UBE2G1: variants seen among roughly 807,000 people sequenced by gnomAD.
UBE2G1 encodes ubiquitin conjugating enzyme E2 G1, also known as ubiquitin-conjugating enzyme E2 G1.
A neutral mutation model predicts 22.7 loss-of-function variants in UBE2G1; 5 were observed. The ratio of observed to expected loss-of-function variants is 0.22; its 90% CI spans 0.12 to 0.46. The LOEUF is 0.46. UBE2G1 is among the 20% of genes least tolerant of loss of function. The pLI is 0.99. For synonymous variants in UBE2G1, 74 were observed against 67.5 expected (o/e 1.10, Z -0.47); for missense variants, 88 against 203.9 (o/e 0.43, Z 3.46).
chr17:4,295,116 T>C lies in UBE2G1; in HGVS notation c.247+1601A>G, dbSNP rs528562758. On this transcript the variant is annotated intron_variant, in intron 3 of 5. Transcript: ENST00000396981. ...TTCAGAATCTGTTACATCTTCGAAA[T>C]AGGTGCAAAACGATTGCCTATTATA... Among the ~76,000 whole-genome samples the C allele has an allele frequency of 9.2e-5, 14 of 152,184 alleles. No homozygotes were observed. In the South Asian group the frequency reaches 2.7e-3, roughly 29 times the overall value.
intron 1 of UBE2G1, among the ~76,000 whole-genome samples, chr17:4,311,062 A>G (rs921584842): frequency 6.6e-6 from 1 of 151,806 alleles, no homozygotes; most frequent in Non-Finnish European, 1.5e-5. Context: ...AAAAAGAAAC[A>G]AAAGAGTACA....
intron 4 of UBE2G1, among the ~76,000 whole-genome samples, chr17:4,285,968 G>A (rs1031717995): frequency 2.6e-5 from 4 of 151,162 alleles, no homozygotes; most frequent in African/African-American, 9.7e-5. Flanking sequence ...AAAAAAAATT[G>A]GAGCCAAAGA....
chr17:4,333,410 GCT>G (rs1054014367), intron 1 of UBE2G1, among the ~76,000 whole-genome samples: 2 of 152,136 alleles, frequency 1.3e-5, no homozygotes, highest in Non-Finnish European at 2.9e-5. Flanking sequence ...GGGCACGGTG[GCT>G]CTGTCTGTGA....
intron 1 of UBE2G1, among the ~76,000 whole-genome samples, chr17:4,357,635 C>T (rs1180954676): frequency 6.6e-6 from 1 of 151,874 alleles, no homozygotes. Flanking sequence ...ACCACATATC[C>T]CTCATGTCCC....
At chr17:4,339,275 C>T (rs1407676880) in intron 1 of UBE2G1, among the ~76,000 whole-genome samples, 1 of 151,184 alleles carries the variant, frequency 6.6e-6, no homozygotes, top group Non-Finnish European at 1.5e-5. Flanking sequence ...TTGCTGGAGC[C>T]TCAATGTGTG....
At chr17:4,289,157 A>G in intron 4 of UBE2G1, 73 bp downstream of exon 4, 1 of 1,363,432 alleles carries the variant, frequency 7.3e-7, no homozygotes. Flanking sequence ...GCATACTTAC[A>G]TACATACTAA....
chr17:4,291,672 A>G (rs558121913), intron 3 of UBE2G1, among the ~76,000 whole-genome samples: 1 of 152,314 alleles, frequency 6.6e-6, no homozygotes, highest in African/African-American at 2.4e-5. Flanking sequence ...TAGGCTTAAT[A>G]CCTATTATCA....
intron 5 of UBE2G1, among the ~76,000 whole-genome samples, chr17:4,282,022 T>C (rs1238004777): frequency 2.0e-5 from 3 of 152,152 alleles, no homozygotes; most frequent in Non-Finnish European, 4.4e-5. Context: ...AAAGGGAAGT[T>C]TTTAACTACT....
chr17:4,356,049 TAAAAA>T (rs746982860), intron 1 of UBE2G1, among the ~76,000 whole-genome samples: 4 of 99,094 alleles, frequency 4.0e-5, no homozygotes, highest in Non-Finnish European at 5.9e-5. Context: ...TGTTTCACTT[TAAAAA>T]AAAAAAAAAA....
At position 4,355,706 on chromosome 17, in the gene UBE2G1, C is replaced by CT. The variant is rs764242717; in HGVS notation, c.46+10564dup. On this transcript the variant is annotated intron_variant, in intron 1 of 5. Coordinates refer to ENST00000396981, the MANE Select transcript of UBE2G1 (RefSeq NM_003342.5). The stretch of plus-strand genomic sequence containing the variant: ...CTGCTCTGCCTATGGAGTAGCCATT[C>CT]TTTTTTTTTTTTTCTGAGACGGAAT... Among the ~76,000 whole-genome samples the CT allele has an allele frequency of 7.3e-3, 1,003 of 137,310 alleles. 13 individuals carry two copies. Among genetic ancestry groups the CT allele is most frequent in the African/African-American group, 0.023 (863 of 37,794 alleles). 90.1% of individuals were successfully genotyped at this position (137,310 alleles called of 152,430 possible).
intron 1 of UBE2G1, among the ~76,000 whole-genome samples, chr17:4,317,844 GC>G (rs1201914037): frequency 6.6e-6 from 1 of 152,124 alleles, no homozygotes; most frequent in Non-Finnish European, 1.5e-5. Flanking sequence ...ATGCATCTCT[GC>G]CAAGATTTGT....
At chr17:4,289,671 C>G (rs1035546024) in intron 3 of UBE2G1, among the ~76,000 whole-genome samples, 2 of 152,086 alleles carry the variant, frequency 1.3e-5, no homozygotes, top group African/African-American at 2.4e-5. Context: ...ATATCTAGCA[C>G]GTAGATGGTG....
chr17:4,362,353 TCAGGAGACATTTGG>T (rs1345122871), intron 1 of UBE2G1, among the ~76,000 whole-genome samples: 1 of 152,198 alleles, frequency 6.6e-6, no homozygotes, highest in Admixed American at 6.6e-5. Flanking sequence ...ATTTTGTCCC[TCAGGAGACATTTGG>T]CAATGGAGAC....
chr17:4,363,862 G>T (rs1416602867), intron 1 of UBE2G1, among the ~76,000 whole-genome samples: 1 of 148,582 alleles, frequency 6.7e-6, no homozygotes, highest in African/African-American at 2.5e-5. Flanking sequence ...TCAGGCAGGG[G>T]AATGGCGTGA....
chr17:4,354,389 C>A (rs527639938), intron 1 of UBE2G1, among the ~76,000 whole-genome samples: 10 of 152,236 alleles, frequency 6.6e-5, no homozygotes, highest in African/African-American at 2.4e-4. Context: ...AGCATTAGAT[C>A]TGCATAAATG....
Position 4,272,806 on chromosome 17 carries a change from C to T in UBE2G1, c.*38-290G>A, listed in dbSNP as rs374686386. Among the ~76,000 whole-genome samples, 57 of 152,278 alleles carry T rather than the reference C, an allele frequency of 3.7e-4. No homozygotes were observed. The South Asian group carries it at 0.012, about 31-fold the overall frequency. On this transcript the variant is annotated intron_variant, in intron 5 of 5. Transcript: ENST00000396981. ...CTAGTGACTGGCAAGCTGAACAGCA[C>T]AGCTGTATCCTTATCATCACAGAAC... is the stretch of plus-strand genomic sequence containing the variant.
At chr17:4,298,947 A>C (rs998004284) in intron 2 of UBE2G1, among the ~76,000 whole-genome samples, 18 of 152,192 alleles carry the variant, frequency 1.2e-4, no homozygotes. Context: ...AGTGCATTAC[A>C]CCAAAAAGAG....
In UBE2G1 at chr17:4,353,244, C is replaced by G. The variant is rs896800881; in HGVS notation, c.46+13027G>C. On this transcript the variant is annotated intron_variant, in intron 1 of 5. Transcript: ENST00000396981. The stretch of plus-strand genomic sequence containing the variant: ...AAAACAACAACAACAACAACAAAAA[C>G]TTTGAAAGAAAAATAAGGACCTTGA... 2.6e-5 allele frequency among the ~76,000 whole-genome samples: 4 copies of G among 151,912 alleles called. No homozygotes were observed. In the East Asian group the frequency reaches 5.8e-4, roughly 22 times the overall value.
chr17:4,360,982 G>C (rs1442696017), intron 1 of UBE2G1, among the ~76,000 whole-genome samples: 2 of 152,236 alleles, frequency 1.3e-5, no homozygotes, highest in African/African-American at 4.8e-5. Context: ...CACCACTTTG[G>C]AAGGCCAAGG....
Sources: gnomAD v4.1 joint callset for allele counts (sites outside exome capture counted in the v4.1 genomes callset) on GRCh38, gnomAD v4.1.1 for gene constraint, MANE v1.5 for transcripts, NCBI Gene and HGNC (gene_info 2026-07-23, HGNC 2026-07-21) for gene names.